The following PPP4R4 variants were observed in gnomAD, a reference collection of about 807,000 sequenced individuals.
PPP4R4 encodes serine/threonine-protein phosphatase 4 regulatory subunit 4.
PPP4R4 carries 70 observed loss-of-function variants against 121.8 expected under a neutral mutation model. The ratio of observed to expected loss-of-function variants is 0.57; its 90% confidence interval spans 0.47 to 0.70. PPP4R4 has a LOEUF of 0.70. Ranked by LOEUF, PPP4R4 falls within the 30% of genes least tolerant of loss-of-function variation. The pLI is 0.00. For synonymous variants in PPP4R4, 348 were observed against 355.7 expected, an observed-to-expected ratio of 0.98 and a Z score of 0.24; for missense variants, 875 against 1,033.6, an observed-to-expected ratio of 0.85 and a Z score of 2.10.
intron 23 of PPP4R4, among the ~76,000 whole-genome samples, chr14:94,271,708 A>T (rs1418788456): frequency 6.6e-6 from 1 of 152,212 alleles, no homozygotes; most frequent in African/African-American, 2.4e-5. Flanking sequence ...ATTGTCTTTG[A>T]TCACAGATAA....
chr14:94,227,283 A>G (rs971317128), intron 3 of PPP4R4: 2 of 1,605,442 alleles, frequency 1.2e-6, no homozygotes, highest in African/African-American at 2.7e-5. Flanking sequence ...AGTGTCTTCC[A>G]AGGTCCATGA....
chr14:94,211,403 G>A (rs559388637), intron 3 of PPP4R4, among the ~76,000 whole-genome samples: 75 of 152,292 alleles, frequency 4.9e-4, no homozygotes, highest in Non-Finnish European at 8.7e-4. Flanking sequence ...GCAGAAAACT[G>A]AAGGGATGGA....
chr14:94,237,354 G>T (rs1892398262), intron 7 of PPP4R4, among the ~76,000 whole-genome samples: 1 of 152,120 alleles, frequency 6.6e-6, no homozygotes, highest in South Asian at 2.1e-4. Flanking sequence ...GAGGAAGTGG[G>T]ATTGATTGAA....
In PPP4R4 at chr14:94,258,844, C is replaced by A. The variant is rs769810961; in HGVS notation, c.2052+20C>A. The A allele has an allele frequency of 3.2e-6, 5 of 1,572,126 alleles. No individual in the cohort carries two copies. The highest frequency in any genetic ancestry group is 3.5e-6 in the Non-Finnish European group (4 of 1,144,150). On this transcript the variant is annotated intron_variant, in intron 18 of 24. Transcript: ENST00000304338. Reference sequence around the variant, plus strand: ...GATGCTGTAAGTATACTCTCTTTACCTTATTGTGTTGGTCCATTTTCATGC... The same window carrying A: ...GATGCTGTAAGTATACTCTCTTTACATTATTGTGTTGGTCCATTTTCATGC...
At chr14:94,240,454 C>T (rs1303830121) in intron 8 of PPP4R4, among the ~76,000 whole-genome samples, 10 of 152,132 alleles carry the variant, frequency 6.6e-5, no homozygotes, top group Admixed American at 6.5e-4. Flanking sequence ...GTATGAAGTC[C>T]AAACCCCTTA....
chr14:94,269,194 A>G (rs1344509451), intron 23 of PPP4R4, among the ~76,000 whole-genome samples: 2 of 152,192 alleles, frequency 1.3e-5, no homozygotes, highest in East Asian at 1.9e-4. Flanking sequence ...ACAGGCTTCA[A>G]GATGATTATG....
At chr14:94,237,511 T>C in intron 7 of PPP4R4, 54 bp from the exon 8 acceptor site, 1 of 1,533,214 alleles carries the variant, frequency 6.5e-7, no homozygotes, top group Non-Finnish European at 9.0e-7. Flanking sequence ...TTTAGTAAGT[T>C]CCTGCTACAC....
intron 5 of PPP4R4, 105 bp downstream of exon 5, chr14:94,231,420 A>G: frequency 1.1e-6 from 1 of 923,976 alleles, no homozygotes; most frequent in South Asian, 1.8e-5. Flanking sequence ...GTTGTTTTTC[A>G]TTTTGAATGT....
chr14:94,199,476 G>T (rs1890051692), intron 2 of PPP4R4, among the ~76,000 whole-genome samples: 1 of 152,190 alleles, frequency 6.6e-6, no homozygotes, highest in African/African-American at 2.4e-5. Context: ...TAGGCGGCTT[G>T]TGTTAGTCAG....
rs769661759 is a variant in PPP4R4 at position 94,278,676 on chromosome 14, G to C, written c.*33G>C. On this transcript the variant is annotated 3_prime_UTR_variant, in exon 25 of 25. Transcript: ENST00000304338. ...GCTTGATGAAGGAGGCAAAACAAAGGCAGCAGGAGATAATGTGATTGGTAC... is the reference window on the plus strand; with the variant it reads ...GCTTGATGAAGGAGGCAAAACAAAGCCAGCAGGAGATAATGTGATTGGTAC... 1 of 1,545,258 alleles carries C rather than the reference G, an allele frequency of 6.5e-7. No homozygotes were observed.
intron 17 of PPP4R4, among the ~76,000 whole-genome samples, chr14:94,258,445 A>G (rs1311896595): frequency 3.3e-5 from 5 of 152,222 alleles, no homozygotes; most frequent in Non-Finnish European, 5.9e-5. Context: ...TAAAACTTCA[A>G]AAGCTACATT....
intron 2 of PPP4R4, among the ~76,000 whole-genome samples, chr14:94,187,194 C>T (rs568333245): frequency 2.6e-5 from 4 of 152,052 alleles, no homozygotes; most frequent in South Asian, 4.2e-4. Flanking sequence ...CACCTGTAAT[C>T]CCAGCTACTC....
At chr14:94,210,731 C>G (rs1890700115) in intron 3 of PPP4R4, among the ~76,000 whole-genome samples, 1 of 152,046 alleles carries the variant, frequency 6.6e-6, no homozygotes, top group Admixed American at 6.6e-5. Context: ...GTGCTTGTGA[C>G]TTGATGTAAA....
At chr14:94,241,731 C>T in intron 9 of PPP4R4, 57 bp from the exon 10 acceptor site, 3 of 1,337,562 alleles carry the variant, frequency 2.2e-6, no homozygotes, top group South Asian at 1.5e-5. Context: ...TTGATTTTCC[C>T]TTTTTAAATT....
intron 24 of PPP4R4, among the ~76,000 whole-genome samples, chr14:94,277,648 A>G (rs1894717686): frequency 6.6e-6 from 1 of 152,182 alleles, no homozygotes; most frequent in African/African-American, 2.4e-5. Flanking sequence ...TACAGTAAAG[A>G]CCATTGAAAC....
At chr14:94,241,450 T>A (rs986201325) in intron 9 of PPP4R4, among the ~76,000 whole-genome samples, 1 of 152,086 alleles carries the variant, frequency 6.6e-6, no homozygotes, top group African/African-American at 2.4e-5. Context: ...ACATTTACTA[T>A]AATAGCAGAT....
chr14:94,188,506 T>G (rs1889412985), intron 2 of PPP4R4, among the ~76,000 whole-genome samples: 1 of 152,180 alleles, frequency 6.6e-6, no homozygotes, highest in Non-Finnish European at 1.5e-5. Context: ...AAATAGCATA[T>G]GGACCTAGTC....
intron 2 of PPP4R4, among the ~76,000 whole-genome samples, chr14:94,188,584 TACAC>T (rs141474530): frequency 0.02 from 2,983 of 151,848 alleles, 208 homozygotes; most frequent in South Asian, 0.19. Flanking sequence ...TATGTGTGTA[TACAC>T]ACACACACAC....
rs190861565 is a variant in PPP4R4, at chr14:94,262,549, C to G, written c.2128-2329C>G. ...AACAATAATACAAATCTCTTTACCT[C>G]CTCCACACCCATTCTTCATGTTACA... On this transcript the variant is annotated intron_variant, in intron 19 of 24. Transcript: ENST00000304338. Among the ~76,000 whole-genome samples the G allele has an allele frequency of 1.8e-3, 275 of 152,040 alleles. 3 individuals are homozygous for G. In the South Asian group the frequency reaches 0.029, roughly 16 times the overall value.
Sources: allele counts gnomAD v4.1 joint callset (sites outside exome capture counted in the v4.1 genomes callset), GRCh38; gene constraint gnomAD v4.1.1; transcripts MANE v1.5; gene names NCBI Gene and HGNC (gene_info 2026-07-23, HGNC 2026-07-21).